GRM7: variants seen among roughly 807,000 people sequenced by gnomAD.
The protein encoded by GRM7 is metabotropic glutamate receptor 7.
In GRM7, 35 loss-of-function variants were observed where a neutral mutation model predicts 84.5. The ratio of observed to expected loss-of-function variants is 0.41; its 90% CI spans 0.32 to 0.55. The LOEUF (loss-of-function observed/expected upper bound fraction) is 0.55, where lower values mean the gene tolerates loss of function less well. Among genes scored for constraint, GRM7 ranks in the 20% least tolerant of loss-of-function variants. The probability of loss-of-function intolerance (pLI) is 0.19; values close to 1 mark genes in which losing one functional copy is unlikely to be tolerated. For synonymous variants in GRM7, 487 were observed against 455.1 expected (o/e 1.07, Z -0.89); for missense variants, 1,003 against 1,194.6 (o/e 0.84, Z 2.36).
intron 4 of GRM7, among the ~76,000 whole-genome samples, chr3:7,312,364 G>A (rs1404238092): frequency 6.6e-6 from 1 of 152,054 alleles, no homozygotes; most frequent in African/African-American, 2.4e-5. Context: ...CAGAAGAAGA[G>A]AGCAGTTCCT....
chr3:7,428,246 G>A (rs965854170), intron 5 of GRM7, among the ~76,000 whole-genome samples: 9 of 152,128 alleles, frequency 5.9e-5, no homozygotes, highest in Admixed American at 3.9e-4. Context: ...TTATCCAAGT[G>A]TAGGGAAAGA....
chr3:7,160,915 A>G (rs1694603295), intron 2 of GRM7, among the ~76,000 whole-genome samples: 1 of 152,172 alleles, frequency 6.6e-6, no homozygotes, highest in Non-Finnish European at 1.5e-5. Context: ...CTTCGCTGCC[A>G]GTCCTTAGAA....
intron 8 of GRM7, among the ~76,000 whole-genome samples, chr3:7,589,400 T>A (rs952043328): frequency 6.6e-6 from 1 of 152,224 alleles, no homozygotes; most frequent in Admixed American, 6.5e-5. Context: ...GATAAGTGTT[T>A]TATAAGGCCT....
At chr3:7,550,490 T>C (rs1312267691) in intron 7 of GRM7, among the ~76,000 whole-genome samples, 6 of 139,476 alleles carry the variant, frequency 4.3e-5, no homozygotes, top group African/African-American at 1.6e-4. Context: ...CTTCCTTTCC[T>C]TTCTCTCCTC....
rs1238889303 is a variant in GRM7 at position 6,890,069 on chromosome 3, A to G, written c.519+28162A>G. On this transcript the variant is annotated intron_variant, in intron 1 of 9. Transcript: ENST00000357716. ...TGGTAGTTTGTATTTCTGTGGGATC[A>G]GTGGTGATATCCCCTTTATCATTTT... Among the ~76,000 whole-genome samples, 4 of 151,998 alleles carry G rather than the reference A, an allele frequency of 2.6e-5. No homozygotes were observed. In the East Asian group the frequency reaches 5.8e-4, roughly 22 times the overall value.
intron 5 of GRM7, among the ~76,000 whole-genome samples, chr3:7,418,771 TCAGGAACATTATACCA>T (rs1159940070): frequency 2.6e-5 from 4 of 152,086 alleles, no homozygotes; most frequent in Non-Finnish European, 5.9e-5. Flanking sequence ...CATCTTGGGG[TCAGGAACATTATACCA>T]CAGTGGTTAA....
intron 2 of GRM7, among the ~76,000 whole-genome samples, chr3:7,289,533 A>G (rs915906365): frequency 1.3e-5 from 2 of 152,200 alleles, no homozygotes; most frequent in African/African-American, 4.8e-5. Flanking sequence ...ATTATAAATC[A>G]TGCTGCTATA....
At chr3:6,978,721 G>T (rs906569748) in intron 1 of GRM7, among the ~76,000 whole-genome samples, 25 of 152,078 alleles carry the variant, frequency 1.6e-4, no homozygotes, top group African/African-American at 5.8e-4. Context: ...GGCATAACGG[G>T]AAAGGAAAGG....
chr3:7,251,620 C>A (rs988555533), intron 2 of GRM7, among the ~76,000 whole-genome samples: 1 of 152,158 alleles, frequency 6.6e-6, no homozygotes, highest in East Asian at 1.9e-4. Context: ...TGAGACAGAT[C>A]TGTCATAGAC....
At chr3:7,171,555 C>G (rs1694984252) in intron 2 of GRM7, among the ~76,000 whole-genome samples, 1 of 152,106 alleles carries the variant, frequency 6.6e-6, no homozygotes. Flanking sequence ...CTTATTTGTG[C>G]AGTGATGTCT....
At chr3:7,322,984 T>C (rs1700844308) in intron 4 of GRM7, among the ~76,000 whole-genome samples, 1 of 152,164 alleles carries the variant, frequency 6.6e-6, no homozygotes, top group African/African-American at 2.4e-5. Context: ...GCATACATTA[T>C]TGAGGCATTG....
intron 9 of GRM7, among the ~76,000 whole-genome samples, chr3:7,733,475 C>T (rs1702396357): frequency 1.3e-5 from 2 of 152,198 alleles, no homozygotes; most frequent in South Asian, 2.1e-4. Context: ...GCCTCCAGTC[C>T]ACTGCCCCCT....
chr3:7,017,546 CT>C (rs1350760287), intron 1 of GRM7, among the ~76,000 whole-genome samples: 4 of 152,122 alleles, frequency 2.6e-5, no homozygotes, highest in African/African-American at 7.2e-5. Context: ...AAAAGTAATG[CT>C]GTGGCCATCA....
intron 1 of GRM7, among the ~76,000 whole-genome samples, chr3:6,958,605 C>A (rs1693164912): frequency 6.6e-6 from 1 of 152,086 alleles, no homozygotes; most frequent in Admixed American, 6.6e-5. Flanking sequence ...GAATAAATGG[C>A]AGTGACGGTG....
chr3:7,143,509 G>A (rs1253867198), intron 1 of GRM7, among the ~76,000 whole-genome samples: 1 of 152,122 alleles, frequency 6.6e-6, no homozygotes, highest in Non-Finnish European at 1.5e-5. Flanking sequence ...TCTTAAGCCA[G>A]GAGATATTCC....
At chr3:7,691,112 CATT>C (rs1392917152) in intron 9 of GRM7, 1 of 457,384 alleles carries the variant, frequency 2.2e-6, no homozygotes, top group Non-Finnish European at 4.3e-6. Flanking sequence ...CAAAGGTAAT[CATT>C]ATTTCTCTCT....
At chr3:7,308,760 A>G (rs1053546004) in intron 4 of GRM7, among the ~76,000 whole-genome samples, 3 of 152,152 alleles carry the variant, frequency 2.0e-5, no homozygotes, top group Admixed American at 1.3e-4. Context: ...CAGGGCTTCA[A>G]CTGAGGTCCT....
chr3:6,965,562 T>C (rs907150018), intron 1 of GRM7, among the ~76,000 whole-genome samples: 5 of 152,054 alleles, frequency 3.3e-5, no homozygotes, highest in African/African-American at 1.2e-4. Context: ...CTTGCATTTC[T>C]GGACTCAAGA....
At chr3:6,880,551 A>C (rs912486197) in intron 1 of GRM7, among the ~76,000 whole-genome samples, 1 of 152,150 alleles carries the variant, frequency 6.6e-6, no homozygotes, top group Non-Finnish European at 1.5e-5. Context: ...TCATTTAGGG[A>C]CCAAAAGCCC....
Sources: allele counts gnomAD v4.1 joint callset (sites outside exome capture counted in the v4.1 genomes callset), GRCh38; gene constraint gnomAD v4.1.1; transcripts MANE v1.5; gene names NCBI Gene and HGNC (gene_info 2026-07-23, HGNC 2026-07-21).